NLRC4: variants seen among roughly 807,000 people sequenced by gnomAD.
The protein encoded by NLRC4 is NLR family CARD domain containing 4, also known as NLR family CARD domain-containing protein 4.
NLRC4 carries 63 observed loss-of-function variants against 79.9 expected under a neutral mutation model. The observed-to-expected ratio is 0.79, with a 90% CI of 0.64 to 0.97. The LOEUF is 0.97. NLRC4 is among the 50% of genes least tolerant of loss of function. The pLI, the probability that NLRC4 is intolerant of heterozygous loss-of-function variation, is 0.00. For missense variants in NLRC4, 1,074 were observed against 1,215.2 expected, an observed-to-expected ratio of 0.88 and a Z score of 1.73; for synonymous variants, 461 against 456.5, an observed-to-expected ratio of 1.01 and a Z score of -0.12.
At chr2:32,224,908 T>A in intron 8 of NLRC4, 143 bp from the exon 9 acceptor site, 1 of 554,580 alleles carries the variant, frequency 1.8e-6, no homozygotes, top group Non-Finnish European at 3.1e-6. Flanking sequence ...AGAAAGAAAT[T>A]ATTAATATAA....
chr2:32,256,488 C>CTTGA (rs1687210617), intron 2 of NLRC4, among the ~76,000 whole-genome samples: 1 of 152,102 alleles, frequency 6.6e-6, no homozygotes, highest in Admixed American at 6.6e-5. Context: ...TCACAATGAG[C>CTTGA]TTGACATGTA....
At chr2:32,232,091 T>G (rs570267361) in intron 8 of NLRC4, among the ~76,000 whole-genome samples, 1 of 152,292 alleles carries the variant, frequency 6.6e-6, no homozygotes, top group South Asian at 2.1e-4. Flanking sequence ...TATGGATCTT[T>G]GGGGAGGAAT....
In NLRC4 at chr2:32,224,646, C is replaced by G; in HGVS notation, c.2902G>C (p.Val968Leu). The G allele has an allele frequency of 6.2e-7, 1 of 1,613,632 alleles. No homozygotes were observed. The highest frequency in any genetic ancestry group is 8.5e-7 in the Non-Finnish European group (1 of 1,179,616). The change falls in exon 9 of 9, where the codon GTG (valine) becomes CTG (leucine). Residue 968 changes from valine to leucine, a missense_variant. Coordinates refer to ENST00000402280, the MANE Select transcript of NLRC4 (RefSeq NM_001199138.2). ...MGVFENLKQL[V>L]FFDFSTKEFL... ...TCTTTAGTACTAAAGTCAAAAAACA[C>G]TAATTGCTTAAGATTCTCAAATACA...
At position 32,256,880 on chromosome 2, in the gene NLRC4, A is replaced by G; in HGVS notation, c.-105T>C. ...CAATATTGTCCTCTTTTTTCTGTAA[A>G]ACTACTCTTCATTCTGTAAAACAAA... On this transcript the variant is annotated 5_prime_UTR_variant, in exon 2 of 9. Coordinates refer to ENST00000402280, the MANE Select transcript of NLRC4 (RefSeq NM_001199138.2). The G allele has an allele frequency of 1.4e-6, 1 of 715,172 alleles. No individual in the cohort carries two copies. The highest frequency in any genetic ancestry group is 2.0e-5 in the Admixed American group (1 of 49,370). The allele number at this position is 715,172 out of a possible 1,614,324, so 44.3% of individuals were successfully genotyped here.
chr2:32,231,595 G>A (rs1416605051), intron 8 of NLRC4, among the ~76,000 whole-genome samples: 1 of 110,006 alleles, frequency 9.1e-6, no homozygotes, highest in Non-Finnish European at 1.9e-5. Flanking sequence ...TGGGGGACTG[G>A]GTGTCACTCT....
chr2:32,232,183 C>G (rs901932014), intron 8 of NLRC4, among the ~76,000 whole-genome samples: 2 of 152,108 alleles, frequency 1.3e-5, no homozygotes, highest in African/African-American at 4.8e-5. Context: ...TAATGTTGAC[C>G]TTGTTCACCT....
intron 1 of NLRC4, 126 bp from the exon 2 acceptor site, chr2:32,257,019 GC>G (rs1228610498): frequency 2.1e-6 from 1 of 471,944 alleles, no homozygotes; most frequent in Non-Finnish European, 3.8e-6. Flanking sequence ...CTCGCTCAAA[GC>G]CCCTGGCTAT....
chr2:32,242,808 G>T (rs558009944), intron 4 of NLRC4, among the ~76,000 whole-genome samples: 6 of 152,130 alleles, frequency 3.9e-5, no homozygotes, highest in Non-Finnish European at 8.8e-5. Context: ...GTGCTTTGGG[G>T]GGCAGAGGTA....
chr2:32,241,337 C>T (rs774332847), intron 4 of NLRC4, among the ~76,000 whole-genome samples: 28 of 150,264 alleles, frequency 1.9e-4, no homozygotes, highest in Non-Finnish European at 3.1e-4. Flanking sequence ...AGACTAGATA[C>T]CAATTTCCCA....
chr2:32,241,918 A>T (rs980202002), intron 4 of NLRC4, among the ~76,000 whole-genome samples: 1 of 152,228 alleles, frequency 6.6e-6, no homozygotes, highest in African/African-American at 2.4e-5. Context: ...AAATGAGGAA[A>T]GGCCTCAAAT....
In NLRC4 at chr2:32,250,883, T is replaced by G. The variant is rs1274885047; in HGVS notation, c.981A>C (p.Lys327Asn). The G allele has an allele frequency of 6.2e-7, 1 of 1,614,144 alleles. No homozygotes were observed. Among genetic ancestry groups the G allele is most frequent in the Non-Finnish European group, 8.5e-7 (1 of 1,180,028 alleles). ...LAEGLLLQIQ[K>N]SRCLRNLMKT... ...TCATGAGATTCCTCAAGCACCTGGA[T>G]TTCTGAATTTGGAGCAACAAGCCTT... Residue 327 changes from lysine to asparagine, a missense_variant, in exon 4 of 9, where the codon AAA becomes AAC. By Grantham distance (94) the Lys-to-Asn change is moderately conservative (BLOSUM62 0). Coordinates refer to ENST00000402280, the MANE Select transcript of NLRC4 (RefSeq NM_001199138.2). This position sits in a 1 kb window ranked among gnomAD's most constrained non-coding sequence, Gnocchi z 4.9.
At chr2:32,235,817 C>G (rs212715) in intron 7 of NLRC4, among the ~76,000 whole-genome samples, 88,200 of 151,976 alleles carry the variant, frequency 0.58, 25,890 homozygotes, top group Non-Finnish European at 0.6. Context: ...CATGGGCAAT[C>G]TTGCTTAATC....
intron 4 of NLRC4, among the ~76,000 whole-genome samples, chr2:32,244,115 T>G (rs1225773673): frequency 1.3e-5 from 2 of 152,116 alleles, no homozygotes; most frequent in East Asian, 3.9e-4. Context: ...CCAGATGTGA[T>G]AGTTCACACT....
At chr2:32,264,433 CAAA>C (rs1278984114) in intron 1 of NLRC4, among the ~76,000 whole-genome samples, 6 of 60,904 alleles carry the variant, frequency 9.9e-5, no homozygotes, top group South Asian at 5.0e-4. Context: ...GACTCTGTCT[CAAA>C]AAAAAAAAAA....
chr2:32,229,357 G>A (rs919123925), intron 8 of NLRC4, among the ~76,000 whole-genome samples: 3 of 152,096 alleles, frequency 2.0e-5, no homozygotes, highest in African/African-American at 7.2e-5. Context: ...CCAGCTACTG[G>A]GGAGGCTGAG....
rs757448591 is a variant in NLRC4 at position 32,231,572 on chromosome 2, T to TGCCGG, written c.2782+3828_2782+3829insCCGGC. Among the ~76,000 whole-genome samples, 433 of 59,450 alleles carry TGCCGG rather than the reference T, an allele frequency of 7.3e-3. 25 individuals are homozygous for TGCCGG. The highest frequency in any genetic ancestry group is 0.022 in the Middle Eastern group (2 of 92). 39.0% of individuals were successfully genotyped at this position (59,450 alleles called of 152,430 possible). ...CTTTCTTTCTTTTTCTATTTTTTTT[T>TGCCGG]GTGGGGGGGGGGTGGGGGACTGGGT... On this transcript the variant is annotated intron_variant, in intron 8 of 8. Coordinates refer to ENST00000402280, the MANE Select transcript of NLRC4 (RefSeq NM_001199138.2).
chr2:32,252,128 C>A (rs1350696349), intron 3 of NLRC4, among the ~76,000 whole-genome samples: 1 of 152,238 alleles, frequency 6.6e-6, no homozygotes, highest in Non-Finnish European at 1.5e-5. Context: ...CTGAGAACCA[C>A]TGCTGCACTG....
chr2:32,250,182 A>G lies in NLRC4; in HGVS notation c.1682T>C (p.Leu561Ser), dbSNP rs779676313. ...INSFVECGIH[L>S]YQESTSKSAL... ...TGATTTGGATGTACTCTCTTGATAT[A>G]AATGGATGCCACACTCTACAAAGGA... is the stretch of plus-strand genomic sequence containing the variant. Residue 561 changes from leucine to serine, a missense_variant, in exon 4 of 9, where the codon TTA becomes TCA. Physicochemically the swap from Leu to Ser is moderately radical, Grantham distance 145. Coordinates refer to ENST00000402280, the MANE Select transcript of NLRC4 (RefSeq NM_001199138.2). The surrounding 1 kb of genome is among the most constrained non-coding windows in gnomAD (Gnocchi z 4.9). 5 of 1,614,254 alleles carry G rather than the reference A, an allele frequency of 3.1e-6. No homozygotes were observed. Among genetic ancestry groups the G allele is most frequent in the Admixed American group, 1.7e-5 (1 of 60,032 alleles).
At chr2:32,251,676 C>A in intron 3 of NLRC4, 75 bp from the exon 4 acceptor site, 2 of 999,854 alleles carry the variant, frequency 2.0e-6, no homozygotes, top group Non-Finnish European at 3.0e-6. Context: ...GGAGGATGAA[C>A]GGGGGGGTGA....
Sources: gnomAD v4.1 joint callset for allele counts (sites outside exome capture counted in the v4.1 genomes callset) on GRCh38, gnomAD v4.1.1 for gene constraint, Gnocchi (gnomAD v3.1) non-coding constraint, MANE v1.5 for transcripts, NCBI Gene and HGNC (gene_info 2026-07-23, HGNC 2026-07-21) for gene names.